The following GRK7 variants were observed in gnomAD, a reference collection of about 807,000 sequenced individuals.
The protein encoded by GRK7 is rhodopsin kinase GRK7.
GRK7 carries 24 observed loss-of-function variants against 34.1 expected under a neutral mutation model. The observed-to-expected ratio is 0.70, with a 90% CI of 0.51 to 0.99. The LOEUF is 0.99. GRK7 is among the 50% of genes least tolerant of loss of function. The pLI is 0.00. For missense variants in GRK7, 644 were observed against 707.3 expected (o/e 0.91, Z 1.02); for synonymous variants, 256 against 279.4 (o/e 0.92, Z 0.84).
At chr3:141,779,012 G>A in intron 3 of GRK7, 116 bp downstream of exon 3, 1 of 1,015,318 alleles carries the variant, frequency 9.8e-7, no homozygotes, top group Non-Finnish European at 1.4e-6. Context: ...CACCATATGT[G>A]GAGGATTTCT....
chr3:141,787,675 G>A (rs2107882543), intron 4 of GRK7, among the ~76,000 whole-genome samples: 1 of 151,338 alleles, frequency 6.6e-6, no homozygotes, highest in East Asian at 1.9e-4. Context: ...GCTGGACACT[G>A]TTAGAGGGAT....
chr3:141,807,818 G>A lies in GRK7; in HGVS notation c.1224G>A (p.Leu408=), dbSNP rs1403036496. The A allele has an allele frequency of 1.2e-6, 2 of 1,614,036 alleles. No individual in the cohort carries two copies. The highest frequency in any genetic ancestry group is 2.7e-5 in the African/African-American group (2 of 74,928). The change falls in exon 5 of 6, where the codon CTG becomes CTA. Residue 408 remains leucine, a synonymous_variant. Coordinates refer to ENST00000682958, the MANE Select transcript of GRK7 (RefSeq NM_139209.3). ...VSKEDLKQRT[L]QDEVKFQHDN... is the part of the protein sequence containing the mutation. Reference sequence around the variant, plus strand: ...AAGAGGATCTGAAGCAAAGAACTCTGCAAGACGAGGTCAAATTCCAGCATG... The same window carrying A: ...AAGAGGATCTGAAGCAAAGAACTCTACAAGACGAGGTCAAATTCCAGCATG...
chr3:141,766,077 T>C (rs1480448356), intron 1 of GRK7, among the ~76,000 whole-genome samples: 1 of 152,210 alleles, frequency 6.6e-6, no homozygotes, highest in Non-Finnish European at 1.5e-5. Flanking sequence ...TTATAAAAGT[T>C]GGGGTGTTTA....
chr3:141,812,723 G>A (rs1711105440), intron 5 of GRK7, among the ~76,000 whole-genome samples: 1 of 152,212 alleles, frequency 6.6e-6, no homozygotes, highest in Non-Finnish European at 1.5e-5. Context: ...TGGGCATGGT[G>A]TGCTTGAGAC....
the GRK7 span, among the ~76,000 whole-genome samples, chr3:141,751,379 TAAA>T: frequency 6.6e-6 from 1 of 152,194 alleles, no homozygotes; most frequent in South Asian, 2.1e-4. Context: ...AGAATTTTAA[TAAA>T]AAGTCTTCTC....
intron 4 of GRK7, among the ~76,000 whole-genome samples, chr3:141,782,673 AG>A (rs2107879833): frequency 6.6e-6 from 1 of 152,152 alleles, no homozygotes; most frequent in Non-Finnish European, 1.5e-5. Context: ...AGCCCTGAAG[AG>A]GTTTAAGAAG....
the GRK7 span, among the ~76,000 whole-genome samples, chr3:141,750,789 T>C: frequency 0.065 from 9,737 of 149,340 alleles, 321 homozygotes; most frequent in South Asian, 0.12. Flanking sequence ...TTAACTACCC[T>C]AACACATTCC....
At chr3:141,789,658 A>G (rs2084714029) in intron 4 of GRK7, among the ~76,000 whole-genome samples, 1 of 39,256 alleles carries the variant, frequency 2.5e-5, no homozygotes, top group African/African-American at 8.2e-5. Flanking sequence ...CAAATGGGCA[A>G]AAAAAAAAAA....
chr3:141,787,845 A>G (rs1482315508), intron 4 of GRK7, among the ~76,000 whole-genome samples: 1 of 144,540 alleles, frequency 6.9e-6, no homozygotes, highest in Non-Finnish European at 1.5e-5. Flanking sequence ...TTGTCTCTTA[A>G]AAAAAAAAAA....
At chr3:141,788,913 AACCTCT>A (rs1435601983) in intron 4 of GRK7, among the ~76,000 whole-genome samples, 1 of 152,158 alleles carries the variant, frequency 6.6e-6, no homozygotes, top group Admixed American at 6.5e-5. Context: ...AGCTCACTGA[AACCTCT>A]ACCTCTCACG....
intron 4 of GRK7, among the ~76,000 whole-genome samples, chr3:141,797,896 C>G (rs1188483637): frequency 6.6e-6 from 1 of 152,202 alleles, no homozygotes; most frequent in Non-Finnish European, 1.5e-5. Context: ...TGCGCACACT[C>G]ATACTTTTTC....
At chr3:141,794,890 G>A (rs952757558) in intron 4 of GRK7, among the ~76,000 whole-genome samples, 1 of 152,166 alleles carries the variant, frequency 6.6e-6, no homozygotes, top group Non-Finnish European at 1.5e-5. Flanking sequence ...CTTAGACCCT[G>A]AGTACTAAAC....
chr3:141,778,977 C>A lies in GRK7; in HGVS notation c.612+81C>A. 1 of 1,346,692 alleles carries A rather than the reference C, an allele frequency of 7.4e-7. No homozygotes were observed. The highest frequency in any genetic ancestry group is 1.0e-6 in the Non-Finnish European group (1 of 981,782). The allele number at this position is 1,346,692 out of a possible 1,614,324, so 83.4% of individuals were successfully genotyped here. ...TAATGTTGCCTTTCTTTTTTTAAATCTCAGTTACTTAGAACTAATTTCAGC... is the reference window on the plus strand; with the variant it reads ...TAATGTTGCCTTTCTTTTTTTAAATATCAGTTACTTAGAACTAATTTCAGC... On this transcript the variant is annotated intron_variant, in intron 3 of 5. Coordinates refer to ENST00000682958, the MANE Select transcript of GRK7 (RefSeq NM_139209.3). This position sits in a 1 kb window ranked among gnomAD's most constrained non-coding sequence, Gnocchi z 4.1.
At chr3:141,815,822 A>C (rs1034054497) in intron 5 of GRK7, among the ~76,000 whole-genome samples, 17 of 151,962 alleles carry the variant, frequency 1.1e-4, no homozygotes. Flanking sequence ...GACAATAACC[A>C]CATGAGTGAG....
rs2084647926 is a variant in GRK7, at chr3:141,777,910, CA to C, written c.-113-260del. ...GAAACAGATTAAACTACTGCATCAG[CA>C]ACAAATTAGATGACAACGGTATGAT... is the stretch of plus-strand genomic sequence containing the variant. On this transcript the variant is annotated intron_variant, in intron 2 of 5. Coordinates refer to ENST00000682958, the MANE Select transcript of GRK7 (RefSeq NM_139209.3). Among the ~76,000 whole-genome samples, 3 of 152,302 alleles carry C rather than the reference CA, an allele frequency of 2.0e-5. No individual in the cohort carries two copies. The East Asian group carries it at 5.8e-4, about 29-fold the overall frequency.
intron 5 of GRK7, among the ~76,000 whole-genome samples, chr3:141,815,232 TTTGTTTG>T (rs1711140385): frequency 8.4e-5 from 1 of 11,952 alleles, no homozygotes; most frequent in Non-Finnish European, 1.7e-4. Flanking sequence ...GTTGGTTTTT[TTTGTTTG>T]TTTGTTTGTT....
chr3:141,781,733 T>A (rs1021845850), intron 4 of GRK7, among the ~76,000 whole-genome samples: 9 of 152,182 alleles, frequency 5.9e-5, no homozygotes, highest in Non-Finnish European at 1.2e-4. Context: ...AGGCAACTGA[T>A]GTTTATTTTA....
chr3:141,753,520 C>G, the GRK7 span, among the ~76,000 whole-genome samples: 1 of 152,308 alleles, frequency 6.6e-6, no homozygotes, highest in East Asian at 1.9e-4. Context: ...AGATCCCTCA[C>G]ATGCACAGTT....
At chr3:141,777,342 T>TTTTTTTTTTTTTTTTTTTTTTTG in intron 2 of GRK7, among the ~76,000 whole-genome samples, 1 of 123,880 alleles carries the variant, frequency 8.1e-6, no homozygotes, top group Admixed American at 8.5e-5. Context: ...TTTTTTTTTT[T>TTTTTTTTTTTTTTTTTTTTTTTG]GAGACGGAGT....
Sources: gnomAD v4.1 joint callset for allele counts (sites outside exome capture counted in the v4.1 genomes callset) on GRCh38, gnomAD v4.1.1 for gene constraint, Gnocchi (gnomAD v3.1) non-coding constraint, MANE v1.5 for transcripts, NCBI Gene and HGNC (gene_info 2026-07-23, HGNC 2026-07-21) for gene names.